The following TBC1D32 variants were observed in gnomAD, a reference collection of about 807,000 sequenced individuals.
TBC1D32 encodes the protein TBC1 domain family member 32.
Under a neutral mutation model 170.3 loss-of-function variants are expected in TBC1D32, and 151 were observed. The observed-to-expected ratio is 0.89, with a 90% confidence interval of 0.78 to 1.01. The LOEUF is 1.01. Among genes scored for constraint, TBC1D32 ranks in the 50% least tolerant of loss-of-function variants. TBC1D32 has a pLI of 0.00. For missense variants in TBC1D32, 1,464 were observed against 1,457.1 expected, an observed-to-expected ratio of 1.00 and a Z score of -0.08; for synonymous variants, 498 against 488.0, an observed-to-expected ratio of 1.02 and a Z score of -0.27.
At chr6:121,126,085 G>C (rs1428794191) in intron 26 of TBC1D32, among the ~76,000 whole-genome samples, 1 of 152,188 alleles carries the variant, frequency 6.6e-6, no homozygotes, top group Non-Finnish European at 1.5e-5. Flanking sequence ...AAGCAGAGGA[G>C]ACCACTAGGG....
Position 121,211,513 on chromosome 6 carries a change from T to C in TBC1D32, c.2482-6350A>G, listed in dbSNP as rs568132935. Among the ~76,000 whole-genome samples, 4 of 152,256 alleles carry C rather than the reference T, an allele frequency of 2.6e-5. No individual in the cohort carries two copies. In the East Asian group the frequency reaches 7.8e-4, roughly 30 times the overall value. On this transcript the variant is annotated intron_variant, in intron 21 of 31. Transcript: ENST00000398212. ...CCCCAAGTCCACTGTATCATTCTTA[T>C]GCCTTTGCGTCCTCATAGCTAAGAT...
chr6:121,173,133 AT>A (rs1787297930), intron 22 of TBC1D32, among the ~76,000 whole-genome samples: 1 of 152,142 alleles, frequency 6.6e-6, no homozygotes, highest in Admixed American at 6.6e-5. Flanking sequence ...GGTGGGCACA[AT>A]CTAATCAGCT....
intron 15 of TBC1D32, among the ~76,000 whole-genome samples, chr6:121,273,983 C>G (rs1223508649): frequency 1.3e-5 from 2 of 152,032 alleles, no homozygotes; most frequent in East Asian, 1.9e-4. Flanking sequence ...GAGGAGGCTG[C>G]TTGATTCACA....
At chr6:121,234,081 T>G (rs1796058631) in intron 20 of TBC1D32, among the ~76,000 whole-genome samples, 1 of 152,232 alleles carries the variant, frequency 6.6e-6, no homozygotes, top group Admixed American at 6.5e-5. Context: ...AGAAATCTGT[T>G]GTTAATCTGA....
At chr6:121,162,041 T>C (rs1785752867) in intron 22 of TBC1D32, among the ~76,000 whole-genome samples, 1 of 152,226 alleles carries the variant, frequency 6.6e-6, no homozygotes, top group South Asian at 2.1e-4. Flanking sequence ...TTTGCTTTTC[T>C]CTTGTAAATT....
Position 121,080,328 on chromosome 6 carries a change from C to A in TBC1D32, c.*443G>T. On this transcript the variant is annotated 3_prime_UTR_variant, in exon 32 of 32. Coordinates refer to ENST00000398212, the MANE Select transcript of TBC1D32 (RefSeq NM_152730.6). ...CGCCTCCCGGGTTCAAGCGATTCTC[C>A]TGCCTCAGCCTCCCAAGTAGCAGGG... 1 of 311,578 alleles carries A rather than the reference C, an allele frequency of 3.2e-6. No individual in the cohort carries two copies. 19.3% of individuals were successfully genotyped at this position (311,578 alleles called of 1,614,324 possible).
In TBC1D32 at chr6:121,126,455, A is replaced by G. The variant is rs981687256; in HGVS notation, c.2906T>C (p.Ile969Thr). 10 of 1,609,246 alleles carry G rather than the reference A, an allele frequency of 6.2e-6. No individual in the cohort carries two copies. The highest frequency in any genetic ancestry group is 8.5e-6 in the Non-Finnish European group (10 of 1,176,658). The change falls in exon 26 of 32, where the codon ATA (isoleucine) becomes ACA (threonine). Residue 969 changes from isoleucine (I) to threonine (T), a missense_variant. By Grantham distance (89) the Ile-to-Thr change is moderately conservative. This residue lies in a region of TBC1D32 where 1,363 missense variants were observed against 1,338.1 expected (regional missense o/e 1.02). Coordinates refer to ENST00000398212, the MANE Select transcript of TBC1D32 (RefSeq NM_152730.6). ...AAGCACAAATTTTTCAAGTAATTCT[A>G]TTAAGGCTGTAATAAACAAAGGAAT... ...KPDIISGEAL[I>T]ELLEKFVLHL...
At chr6:121,300,750 G>A (rs2128474826) in intron 9 of TBC1D32, among the ~76,000 whole-genome samples, 1 of 152,220 alleles carries the variant, frequency 6.6e-6, no homozygotes, top group African/African-American at 2.4e-5. Flanking sequence ...GAGTGAACAG[G>A]CAGCCTATGG....
At chr6:121,306,360 C>T (rs61550917) in intron 5 of TBC1D32, among the ~76,000 whole-genome samples, 4,996 of 152,176 alleles carry the variant, frequency 0.033, 194 homozygotes, top group East Asian at 0.12. Context: ...AATTTTTCTA[C>T]AACTATTTAT....
intron 30 of TBC1D32, 130 bp downstream of exon 30, chr6:121,105,893 A>G: frequency 9.3e-7 from 1 of 1,075,254 alleles, no homozygotes; most frequent in Non-Finnish European, 1.3e-6. Flanking sequence ...CCTGGGGAGA[A>G]AAGCTAGCTT....
At chr6:121,087,259 T>C (rs981881096) in intron 31 of TBC1D32, among the ~76,000 whole-genome samples, 11 of 152,258 alleles carry the variant, frequency 7.2e-5, no homozygotes, top group South Asian at 2.1e-4. Flanking sequence ...TAAGTTTTTC[T>C]TTCCCCCATA....
intron 29 of TBC1D32, among the ~76,000 whole-genome samples, chr6:121,107,541 AAG>A (rs1302992151): frequency 6.6e-6 from 1 of 151,960 alleles, no homozygotes; most frequent in Non-Finnish European, 1.5e-5. Context: ...GTAGAACAAA[AAG>A]AAAACTTTTT....
In TBC1D32 at chr6:121,090,856, T is replaced by A; in HGVS notation, c.3651A>T (p.Leu1217=). The change falls in exon 31 of 32, where the codon CTA becomes CTT. Residue 1217 remains leucine (L), a synonymous_variant. Coordinates refer to ENST00000398212, the MANE Select transcript of TBC1D32 (RefSeq NM_152730.6). ...CTCTCCATATAAACATACTTACTTTTAGGAAAACTTGCAGATCTTGAGTCT... is the reference window on the plus strand; with the variant it reads ...CTCTCCATATAAACATACTTACTTTAAGGAAAACTTGCAGATCTTGAGTCT... ...HTQTQDLQVF[L]KEEALHGFRV... The A allele has an allele frequency of 6.2e-7, 1 of 1,608,774 alleles. No homozygotes were observed. Among genetic ancestry groups the A allele is most frequent in the Non-Finnish European group, 8.5e-7 (1 of 1,178,664 alleles).
In TBC1D32 at chr6:121,187,084, C is replaced by T. The variant is rs190428003; in HGVS notation, c.2570+17991G>A. Among the ~76,000 whole-genome samples, 19 of 152,004 alleles carry T rather than the reference C, an allele frequency of 1.2e-4. No homozygotes were observed. In the East Asian group the frequency reaches 1.4e-3, roughly 11 times the overall value. The stretch of plus-strand genomic sequence containing the variant: ...AGAAATAGGAATAAATGATTCCTTA[C>T]TAATTCTAGAAAAAAAATTGGGGAA... On this transcript the variant is annotated intron_variant, in intron 22 of 31. Coordinates refer to ENST00000398212, the MANE Select transcript of TBC1D32 (RefSeq NM_152730.6).
chr6:121,327,927 T>C (rs1054944998), intron 1 of TBC1D32, among the ~76,000 whole-genome samples: 2 of 152,144 alleles, frequency 1.3e-5, no homozygotes, highest in African/African-American at 4.8e-5. Flanking sequence ...AAAGATACTA[T>C]GAATGTCCTA....
At chr6:121,302,051 C>T (rs76873618) in intron 9 of TBC1D32, among the ~76,000 whole-genome samples, 3,646 of 152,204 alleles carry the variant, frequency 0.024, 160 homozygotes, top group East Asian at 0.12. Context: ...AATCCTTTTT[C>T]CAACTTAATA....
chr6:121,304,712 T>C (rs1038957040), intron 6 of TBC1D32, 43 bp downstream of exon 6: 1 of 1,536,464 alleles, frequency 6.5e-7, no homozygotes, highest in South Asian at 1.2e-5. Context: ...CTTAAGTACA[T>C]GCAAATGACA....
intron 24 of TBC1D32, among the ~76,000 whole-genome samples, chr6:121,140,949 A>C (rs1782710193): frequency 6.6e-6 from 1 of 152,172 alleles, no homozygotes; most frequent in African/African-American, 2.4e-5. Flanking sequence ...AGCCTGAACA[A>C]AAGTTTTAAT....
Position 121,310,786 on chromosome 6 carries a change from G to A in TBC1D32, c.557C>T (p.Pro186Leu), listed in dbSNP as rs1409205681. The change falls in exon 4 of 32, where the codon CCT becomes CTT. Residue 186 changes from proline to leucine, a missense_variant. This residue lies in a region of TBC1D32 where 1,363 missense variants were observed against 1,338.1 expected (regional missense o/e 1.02). Coordinates refer to ENST00000398212, the MANE Select transcript of TBC1D32 (RefSeq NM_152730.6). ...GCTATCCTTGAAACTTACCTCTTTA[G>A]GTTGCCCAGGATCCAACTGGTCTAA... ...LILDQLDPGQ[P>L]KEVRYEALQT... The A allele has an allele frequency of 1.9e-6, 3 of 1,557,676 alleles. No individual in the cohort carries two copies. In the East Asian group the frequency reaches 7.0e-5, roughly 37 times the overall value.
Sources: gnomAD v4.1 joint callset for allele counts (sites outside exome capture counted in the v4.1 genomes callset) on GRCh38, gnomAD v4.1.1 for gene constraint, gnomAD v4.1.1 regional missense constraint, MANE v1.5 for transcripts, NCBI Gene and HGNC (gene_info 2026-07-23, HGNC 2026-07-21) for gene names.